Variants in SKIC8 observed in about 807,000 individuals in gnomAD.
The protein encoded by SKIC8 is superkiller complex protein 8.
chr15:78,297,744 G>A, the SKIC8 span, among the ~76,000 whole-genome samples: 891 of 152,212 alleles, frequency 5.9e-3, 5 homozygotes, highest in Non-Finnish European at 8.9e-3. Flanking sequence ...CACGGCCCTC[G>A]CAATTCTACC....
chr15:78,288,334 A>T, the SKIC8 span: 1 of 1,613,914 alleles, frequency 6.2e-7, no homozygotes, highest in Non-Finnish European at 8.5e-7. Context: ...AGTGACAAGG[A>T]GCTGGGAGTC....
the SKIC8 span, chr15:78,288,381 G>A: frequency 6.2e-7 from 1 of 1,613,558 alleles, no homozygotes; most frequent in East Asian, 2.2e-5. Flanking sequence ...GCATGGCATG[G>A]CCTGAAATTC....
chr15:78,291,462 G>A, the SKIC8 span, among the ~76,000 whole-genome samples: 2 of 152,148 alleles, frequency 1.3e-5, no homozygotes, highest in Non-Finnish European at 2.9e-5. Flanking sequence ...ACAACCATCA[G>A]GGGAGTCAGG....
At chr15:78,291,874 G>A in the SKIC8 span, 1 of 152,266 alleles carries the variant, frequency 6.6e-6, no homozygotes, top group Non-Finnish European at 1.5e-5. Context: ...CATTCTGGCA[G>A]AGCAGGTTCT....
At chr15:78,290,238 G>T in the SKIC8 span, 2 of 887,220 alleles carry the variant, frequency 2.3e-6, no homozygotes, top group Non-Finnish European at 3.2e-6. Context: ...TTGTAAAGAT[G>T]CTAATTCTTT....
At chr15:78,292,311 T>A in the SKIC8 span, 1 of 294,870 alleles carries the variant, frequency 3.4e-6, no homozygotes, top group Non-Finnish European at 6.5e-6. Context: ...ACAAGCTTTT[T>A]CTACAGGTTT....
At chr15:78,295,584 C>T in the SKIC8 span, 4 of 1,562,754 alleles carry the variant, frequency 2.6e-6, no homozygotes, top group East Asian at 2.2e-5. Context: ...GAATGAGATG[C>T]TAGTTTCTTG....
At chr15:78,291,976 G>A in the SKIC8 span, 1 of 152,510 alleles carries the variant, frequency 6.6e-6, no homozygotes, top group Admixed American at 6.5e-5. Context: ...GTCAGCCTAT[G>A]ACATCATTAA....
chr15:78,287,985 T>G, the SKIC8 span, among the ~76,000 whole-genome samples: 2 of 152,146 alleles, frequency 1.3e-5, no homozygotes, highest in Non-Finnish European at 2.9e-5. Context: ...CATTTCCTCA[T>G]CTGTATATTA....
At chr15:78,293,118 C>T in the SKIC8 span, 1 of 1,555,104 alleles carries the variant, frequency 6.4e-7, no homozygotes, top group Non-Finnish European at 8.9e-7. Context: ...AGAAGCAAAA[C>T]CTCAGCCCCC....
the SKIC8 span, chr15:78,295,018 G>A: frequency 3.7e-6 from 6 of 1,612,872 alleles, no homozygotes; most frequent in South Asian, 6.6e-5. Context: ...TCAGATTTCA[G>A]ATGTCTCACA....
chr15:78,294,136 C>G, the SKIC8 span, among the ~76,000 whole-genome samples: 1 of 152,218 alleles, frequency 6.6e-6, no homozygotes, highest in African/African-American at 2.4e-5. Context: ...TAACTTGCCA[C>G]CTGGATGACA....
the SKIC8 span, chr15:78,285,587 C>T: frequency 1.8e-6 from 1 of 555,246 alleles, no homozygotes; most frequent in South Asian, 2.2e-5. Context: ...TACCTATTTC[C>T]AGATGGGAGG....
the SKIC8 span, chr15:78,293,073 A>G: frequency 8.6e-7 from 1 of 1,162,856 alleles, no homozygotes; most frequent in African/African-American, 1.5e-5. Flanking sequence ...TCTTGCCTAG[A>G]AAAAAGTATT....
the SKIC8 span, chr15:78,288,918 C>T: frequency 2.2e-6 from 1 of 452,644 alleles, no homozygotes; most frequent in Non-Finnish European, 4.4e-6. Flanking sequence ...TTTCATCCAC[C>T]TTCAAATTAT....
At chr15:78,297,793 G>A in the SKIC8 span, among the ~76,000 whole-genome samples, 1 of 152,182 alleles carries the variant, frequency 6.6e-6, no homozygotes, top group Non-Finnish European at 1.5e-5. Context: ...AAGGCATCCA[G>A]GTTCAGGTTA....
the SKIC8 span, chr15:78,292,956 G>T: frequency 1.0e-6 from 1 of 969,424 alleles, no homozygotes; most frequent in African/African-American, 1.7e-5. Context: ...TTTAAATGTA[G>T]GACTTTAAGA....
chr15:78,294,955 G>C, the SKIC8 span: 2 of 1,613,984 alleles, frequency 1.2e-6, no homozygotes, highest in Non-Finnish European at 1.7e-6. Context: ...CCTTGCTCTT[G>C]TTTGAAGAGA....
the SKIC8 span, chr15:78,295,420 T>G: frequency 2.1e-6 from 1 of 470,318 alleles, no homozygotes. Flanking sequence ...TTTTTTTTTG[T>G]ACAACATCTT....
Sources: gnomAD v4.1 joint callset for allele counts (sites outside exome capture counted in the v4.1 genomes callset) on GRCh38, gnomAD v4.1.1 for gene constraint, MANE v1.5 for transcripts, NCBI Gene and HGNC (gene_info 2026-07-23, HGNC 2026-07-21) for gene names.